The following CLTCL1 variants were observed in gnomAD, a reference collection of about 807,000 sequenced individuals.
CLTCL1 encodes clathrin heavy chain like 1, also known as clathrin heavy chain 2.
Under a neutral mutation model 190.0 loss-of-function variants are expected in CLTCL1, and 159 were observed. The ratio of observed to expected loss-of-function variants is 0.84; its 90% CI spans 0.74 to 0.95. CLTCL1 has a LOEUF of 0.95. CLTCL1 is among the 40% of genes least tolerant of loss of function. The pLI is 0.00. For synonymous variants in CLTCL1, 752 were observed against 769.6 expected (o/e 0.98, Z 0.38); for missense variants, 1,878 against 2,033.4 (o/e 0.92, Z 1.47).
chr22:19,219,147 G>A (rs2085482974), intron 18 of CLTCL1, among the ~76,000 whole-genome samples: 1 of 150,920 alleles, frequency 6.6e-6, no homozygotes, highest in South Asian at 2.1e-4. Context: ...GGTTCGTAAG[G>A]ACTAAGATGT....
intron 30 of CLTCL1, chr22:19,183,017 C>A (rs1179778196): frequency 3.5e-6 from 1 of 282,632 alleles, no homozygotes; most frequent in African/African-American, 2.2e-5. Flanking sequence ...CCCCCAGACG[C>A]CACTGGGAGC....
intron 4 of CLTCL1, among the ~76,000 whole-genome samples, chr22:19,242,006 G>T (rs377001757): frequency 6.7e-6 from 1 of 150,076 alleles, no homozygotes; most frequent in Non-Finnish European, 1.5e-5. Flanking sequence ...GCAGTGGCGC[G>T]ATCTCGGCTC....
At chr22:19,240,406 G>C (rs562760354) in intron 4 of CLTCL1, among the ~76,000 whole-genome samples, 1 of 152,184 alleles carries the variant, frequency 6.6e-6, no homozygotes, top group African/African-American at 2.4e-5. Context: ...GGGGCAGTCT[G>C]GGTTTGCGGT....
chr22:19,209,292 A>C (rs1446442768), intron 20 of CLTCL1, 178 bp from the exon 21 acceptor site: 1 of 525,612 alleles, frequency 1.9e-6, no homozygotes, highest in African/African-American at 1.9e-5. Context: ...GACAAGAGCT[A>C]TTATATGAGA....
intron 1 of CLTCL1, among the ~76,000 whole-genome samples, chr22:19,277,352 A>G (rs782319540): frequency 1.3e-5 from 2 of 152,230 alleles, no homozygotes; most frequent in Non-Finnish European, 2.9e-5. Flanking sequence ...GAAATCTTTC[A>G]GAAATTACAA....
chr22:19,233,469 G>A lies in CLTCL1; in HGVS notation c.1321C>T (p.Gln441Ter), dbSNP rs1482235182. 1 of 1,613,712 alleles carries A rather than the reference G, an allele frequency of 6.2e-7. No homozygotes were observed. Among genetic ancestry groups the A allele is most frequent in the Non-Finnish European group, 8.5e-7 (1 of 1,179,828 alleles). ...ESLELCHLVLQQGRKQLLEKW... is the reference protein window; with the variant it reads ...ESLELCHLVL Reference sequence around the variant, plus strand: ...TCTAGGAGTTGCTTACGCCCCTGCTGAAGAACCAGATGGCAAAGTTCTAAG... The same window carrying A: ...TCTAGGAGTTGCTTACGCCCCTGCTAAAGAACCAGATGGCAAAGTTCTAAG... The change falls in exon 8 of 33, where the codon CAG becomes TAG. Residue 441 changes from glutamine (Q) to a stop codon, truncating the protein, a stop_gained. Coordinates refer to ENST00000427926, the MANE Select transcript of CLTCL1 (RefSeq NM_007098.4). LOFTEE classifies it high-confidence loss of function.
intron 11 of CLTCL1, 26 bp from the exon 12 acceptor site, chr22:19,226,409 A>G: frequency 6.2e-7 from 1 of 1,613,008 alleles, no homozygotes; most frequent in Non-Finnish European, 8.5e-7. Flanking sequence ...TTCGGTGAGA[A>G]GCCCTGATCA....
Position 19,180,203 on chromosome 22 carries a change from T to C in CLTCL1, c.*16A>G. The stretch of plus-strand genomic sequence containing the variant: ...GTCTCCAAATGGGACACTTACTTAG[T>C]GCAATCAGCTGGGTCTCATTCATGC... On this transcript the variant is annotated 3_prime_UTR_variant, in exon 32 of 33. Coordinates refer to ENST00000427926, the MANE Select transcript of CLTCL1 (RefSeq NM_007098.4). 1 of 1,613,634 alleles carries C rather than the reference T, an allele frequency of 6.2e-7. No homozygotes were observed. The highest frequency in any genetic ancestry group is 8.5e-7 in the Non-Finnish European group (1 of 1,179,718).
intron 26 of CLTCL1, among the ~76,000 whole-genome samples, chr22:19,195,551 C>G (rs1351180061): frequency 6.7e-6 from 1 of 149,814 alleles, no homozygotes; most frequent in Non-Finnish European, 1.5e-5. Context: ...AGTTAGTTAC[C>G]CAAAGACCAT....
rs551813305 is a variant in CLTCL1 at position 19,187,974 on chromosome 22, C to T, written c.4434+7G>A. 1.1e-4 allele frequency: 184 copies of T among 1,612,686 alleles called. 1 individual carries two copies. In the Middle Eastern group the frequency reaches 2.3e-3, roughly 20 times the overall value. ...ACCCAGGACAGGGCTCCTTCCTGCA[C>T]ACCCACCTGATAGTCCTCCTCCTCT... On this transcript the variant is annotated splice_region_variant and intron_variant, in intron 28 of 32. Transcript: ENST00000427926.
At chr22:19,189,714 T>C (rs928227559) in intron 27 of CLTCL1, among the ~76,000 whole-genome samples, 11 of 152,232 alleles carry the variant, frequency 7.2e-5, no homozygotes, top group Admixed American at 2.0e-4. Flanking sequence ...TCTTCCAAAT[T>C]CCTGTTAATA....
In CLTCL1 at chr22:19,179,611, G is replaced by C. The variant is rs1555924703; in HGVS notation, c.*379C>G. The C allele has an allele frequency of 6.4e-6, 1 of 156,156 alleles. No homozygotes were observed. The highest frequency in any genetic ancestry group is 2.4e-5 in the African/African-American group (1 of 41,484). The allele number at this position is 156,156 out of a possible 1,614,324, so 9.7% of individuals were successfully genotyped here. A position where few individuals can be genotyped will look rare whatever the true frequency, so the allele number is the denominator to read the frequency against. ...GAGGGGGCAGCTCCAGCCAGTCGGAGGCGCCCAGGAGGAAGGCCTGGCTCC... is the reference window on the plus strand; with the variant it reads ...GAGGGGGCAGCTCCAGCCAGTCGGACGCGCCCAGGAGGAAGGCCTGGCTCC... On this transcript the variant is annotated 3_prime_UTR_variant, in exon 33 of 33. Coordinates refer to ENST00000427926, the MANE Select transcript of CLTCL1 (RefSeq NM_007098.4).
At chr22:19,180,358 A>G (rs1201619162) in intron 31 of CLTCL1, 120 bp from the exon 32 acceptor site, 1 of 1,107,144 alleles carries the variant, frequency 9.0e-7, no homozygotes, top group East Asian at 2.5e-5. Flanking sequence ...CACAGTGTCC[A>G]AGCACCCCAC....
chr22:19,184,494 G>A (rs1313777436), intron 29 of CLTCL1: 7 of 455,884 alleles, frequency 1.5e-5, no homozygotes, highest in Admixed American at 1.2e-4. Context: ...CTCCCCCGCT[G>A]GCATGCTGCT....
At chr22:19,262,484 T>C (rs1171928410) in intron 2 of CLTCL1, among the ~76,000 whole-genome samples, 1 of 149,010 alleles carries the variant, frequency 6.7e-6, no homozygotes, top group Admixed American at 6.7e-5. Context: ...TACAAAAAAT[T>C]GGCTGGGCTT....
intron 27 of CLTCL1, among the ~76,000 whole-genome samples, chr22:19,191,009 C>T (rs2084483727): frequency 6.6e-6 from 1 of 152,132 alleles, no homozygotes; most frequent in Non-Finnish European, 1.5e-5. Flanking sequence ...ATCTCCTGAC[C>T]TCGTGATCCG....
At chr22:19,218,058 T>C (rs1455655451) in intron 18 of CLTCL1, among the ~76,000 whole-genome samples, 1 of 152,190 alleles carries the variant, frequency 6.6e-6, no homozygotes, top group East Asian at 1.9e-4. Context: ...CCCTCTGTTA[T>C]TATGCGCTCT....
At chr22:19,214,322 T>C (rs1176405820) in intron 19 of CLTCL1, among the ~76,000 whole-genome samples, 1 of 152,196 alleles carries the variant, frequency 6.6e-6, no homozygotes, top group Non-Finnish European at 1.5e-5. Context: ...GATGATGCAC[T>C]GTGGCCTCAC....
intron 3 of CLTCL1, among the ~76,000 whole-genome samples, chr22:19,245,771 C>A (rs575671358): frequency 1.3e-5 from 2 of 152,060 alleles, no homozygotes; most frequent in Non-Finnish European, 2.9e-5. Context: ...AAATATGAGG[C>A]CTTTTGTGCC....
Sources: allele counts gnomAD v4.1 joint callset (sites outside exome capture counted in the v4.1 genomes callset), GRCh38; gene constraint gnomAD v4.1.1; transcripts MANE v1.5; gene names NCBI Gene and HGNC (gene_info 2026-07-23, HGNC 2026-07-21).